SLC35F4: variants seen among roughly 807,000 people sequenced by gnomAD.
SLC35F4 encodes the protein solute carrier family 35 member F4, also known as chromosome 14 open reading frame 36.
SLC35F4 carries 24 observed loss-of-function variants against 44.2 expected under a neutral mutation model. That is an observed-to-expected ratio of 0.54 (90% CI 0.39 to 0.76). The LOEUF is 0.76. SLC35F4 is among the 30% of genes least tolerant of loss of function. The probability of loss-of-function intolerance (pLI) is 0.00; values close to 1 mark genes in which losing one functional copy is unlikely to be tolerated. For synonymous variants in SLC35F4, 238 were observed against 223.6 expected, an observed-to-expected ratio of 1.06 and a Z score of -0.57; for missense variants, 562 against 586.1, an observed-to-expected ratio of 0.96 and a Z score of 0.42.
intron 1 of SLC35F4, among the ~76,000 whole-genome samples, chr14:57,864,175 T>C (rs1293818219): frequency 6.6e-6 from 1 of 152,166 alleles, no homozygotes; most frequent in East Asian, 1.9e-4. Context: ...AATCCCATGG[T>C]TCCTAATTAA....
At chr14:57,824,009 C>A (rs1319523124) in intron 1 of SLC35F4, among the ~76,000 whole-genome samples, 2 of 151,854 alleles carry the variant, frequency 1.3e-5, no homozygotes, top group Non-Finnish European at 1.5e-5. Context: ...TCATATTCCC[C>A]AAATCAGGAA....
At chr14:57,668,580 A>G (rs2140261947) in intron 1 of SLC35F4, among the ~76,000 whole-genome samples, 1 of 152,214 alleles carries the variant, frequency 6.6e-6, no homozygotes, top group Non-Finnish European at 1.5e-5. Flanking sequence ...CCATTTGTTA[A>G]ATAGGGAATC....
chr14:57,827,974 G>A (rs1883969905), intron 1 of SLC35F4, among the ~76,000 whole-genome samples: 1 of 152,264 alleles, frequency 6.6e-6, no homozygotes, highest in Admixed American at 6.5e-5. Context: ...GGAGCCCTAG[G>A]ATGAATCCCA....
chr14:57,968,177 G>A (rs1880937425), intron 1 of SLC35F4, among the ~76,000 whole-genome samples: 1 of 152,198 alleles, frequency 6.6e-6, no homozygotes, highest in South Asian at 2.1e-4. Flanking sequence ...CTCAACAAGT[G>A]CAGATCTACT....
intron 1 of SLC35F4, among the ~76,000 whole-genome samples, chr14:57,900,984 C>T (rs575107190): frequency 5.3e-5 from 8 of 152,182 alleles, no homozygotes; most frequent in Admixed American, 3.9e-4. Flanking sequence ...TACCATCTCA[C>T]GCCAGTCAGA....
chr14:57,768,612 T>TA (rs527441333), intron 1 of SLC35F4, among the ~76,000 whole-genome samples: 9 of 152,248 alleles, frequency 5.9e-5, no homozygotes, highest in Non-Finnish European at 1.3e-4. Context: ...CCCTTTGCAT[T>TA]AATAGCAGAT....
intron 1 of SLC35F4, among the ~76,000 whole-genome samples, chr14:57,780,747 A>G (rs2077598631): frequency 6.6e-6 from 1 of 152,056 alleles, no homozygotes; most frequent in Non-Finnish European, 1.5e-5. Flanking sequence ...CACATATAAA[A>G]CATAAGACAC....
At chr14:57,642,299 G>GAA (rs113210979) in intron 1 of SLC35F4, among the ~76,000 whole-genome samples, 1 of 147,832 alleles carries the variant, frequency 6.8e-6, no homozygotes, top group African/African-American at 2.5e-5. Flanking sequence ...GAGCTAGTGA[G>GAA]AAAAAAAAAA....
chr14:57,898,012 A>G (rs1452345910), intron 1 of SLC35F4, among the ~76,000 whole-genome samples: 2 of 152,216 alleles, frequency 1.3e-5, no homozygotes, highest in Non-Finnish European at 2.9e-5. Flanking sequence ...TCAGGTAGCA[A>G]TGAAACTGGT....
chr14:57,947,251 G>GT (rs71104597), intron 1 of SLC35F4, among the ~76,000 whole-genome samples: 10,210 of 138,576 alleles, frequency 0.074, 598 homozygotes, highest in East Asian at 0.35. Flanking sequence ...TGGGTTTTTT[G>GT]TTTTTTTTTT....
At chr14:57,628,829 T>C (rs1303784335) in intron 1 of SLC35F4, among the ~76,000 whole-genome samples, 1 of 152,160 alleles carries the variant, frequency 6.6e-6, no homozygotes, top group East Asian at 1.9e-4. Context: ...TTTTCTCTTT[T>C]AGGGACTGAA....
In SLC35F4 at chr14:57,608,800, C is replaced by T. The variant is rs113483739; in HGVS notation, c.104-14676G>A. ...CCAAAAGATGGCCGGGGGGGGGCGG[C>T]GGGGGGAGAGAAACAGGAAATTATA... On this transcript the variant is annotated intron_variant, in intron 1 of 7. Coordinates refer to ENST00000556826, the MANE Select transcript of SLC35F4 (RefSeq NM_001306087.2). Among the ~76,000 whole-genome samples, 18 of 7,976 alleles carry T rather than the reference C, an allele frequency of 2.3e-3. No homozygotes were observed. The South Asian group carries it at 0.035, about 16-fold the overall frequency. The allele number at this position is 7,976 out of a possible 152,430, so 5.2% of individuals were successfully genotyped here.
chr14:57,639,624 G>C (rs935917665), intron 1 of SLC35F4, among the ~76,000 whole-genome samples: 1 of 151,840 alleles, frequency 6.6e-6, no homozygotes, highest in South Asian at 2.1e-4. Context: ...ATAATTCCAG[G>C]ATATTATTGC....
At chr14:57,565,521 A>T (rs1282366252) in intron 7 of SLC35F4, among the ~76,000 whole-genome samples, 2 of 152,160 alleles carry the variant, frequency 1.3e-5, no homozygotes, top group Non-Finnish European at 2.9e-5. Context: ...TGCCTTATTC[A>T]GGACCTGTCA....
At chr14:57,765,091 T>C (rs1277098602) in intron 1 of SLC35F4, among the ~76,000 whole-genome samples, 1 of 151,918 alleles carries the variant, frequency 6.6e-6, no homozygotes, top group Non-Finnish European at 1.5e-5. Flanking sequence ...TCAGGAAGTA[T>C]ATAATCTGGT....
chr14:57,679,365 A>G (rs1464909577), intron 1 of SLC35F4, among the ~76,000 whole-genome samples: 1 of 152,154 alleles, frequency 6.6e-6, no homozygotes. Flanking sequence ...TCTGTGACAC[A>G]TTTAAAGCAG....
At chr14:57,608,794 GGGC>G (rs1294451902) in intron 1 of SLC35F4, among the ~76,000 whole-genome samples, 1 of 20,926 alleles carries the variant, frequency 4.8e-5, no homozygotes, top group African/African-American at 8.0e-5. Context: ...GGCCGGGGGG[GGGC>G]GGCGGGGGGA....
Position 57,957,335 on chromosome 14 carries a change from G to A in SLC35F4, n.282+24578C>T, listed in dbSNP as rs532359929. Among the ~76,000 whole-genome samples, 126 of 152,076 alleles carry A rather than the reference G, an allele frequency of 8.3e-4. 2 individuals carry two copies. The highest frequency in any genetic ancestry group is 2.8e-3 in the African/African-American group (116 of 41,470). ...GATAGCATTAGGAGAAATACCTAACGTAGGTGACAGGTTGATGCATGCAGC... is the reference window on the plus strand; with the variant it reads ...GATAGCATTAGGAGAAATACCTAACATAGGTGACAGGTTGATGCATGCAGC... On this transcript the variant is annotated intron_variant and non_coding_transcript_variant, in intron 1 of 1. Transcript: ENST00000556568.
chr14:57,889,563 C>A (rs575074939), intron 1 of SLC35F4, among the ~76,000 whole-genome samples: 1 of 152,210 alleles, frequency 6.6e-6, no homozygotes, highest in African/African-American at 2.4e-5. Flanking sequence ...TCATAGGACA[C>A]CCTTAGGTTT....
Sources: gnomAD v4.1 joint callset for allele counts (sites outside exome capture counted in the v4.1 genomes callset) on GRCh38, gnomAD v4.1.1 for gene constraint, MANE v1.5 for transcripts, NCBI Gene and HGNC (gene_info 2026-07-23, HGNC 2026-07-21) for gene names.